INTS4: variants seen among roughly 807,000 people sequenced by gnomAD.
INTS4 encodes MSTP093.
INTS4 carries 70 observed loss-of-function variants against 119.5 expected under a neutral mutation model. The observed-to-expected ratio is 0.59, with a 90% confidence interval of 0.48 to 0.71. INTS4 has a LOEUF of 0.71. Ranked by LOEUF, INTS4 falls within the 30% of genes least tolerant of loss-of-function variation. The pLI is 0.00. For synonymous variants in INTS4, 316 were observed against 419.6 expected (o/e 0.75, Z 3.02); for missense variants, 867 against 1,173.2 (o/e 0.74, Z 3.81).
chr11:77,930,314 G>A (rs1401929795), intron 10 of INTS4, among the ~76,000 whole-genome samples: 1 of 152,194 alleles, frequency 6.6e-6, no homozygotes, highest in African/African-American at 2.4e-5. Flanking sequence ...CTACATTAAA[G>A]ACAGATGATT....
intron 15 of INTS4, chr11:77,911,038 G>A: frequency 7.8e-7 from 1 of 1,288,942 alleles, no homozygotes; most frequent in Non-Finnish European, 1.0e-6. Context: ...TTTCACAGTA[G>A]CCTGGAAAAA....
rs548073694 is a variant in INTS4, at chr11:77,912,080, G to A, written c.1923-4270C>T. On this transcript the variant is annotated intron_variant, in intron 15 of 22. Coordinates refer to ENST00000534064, the MANE Select transcript of INTS4 (RefSeq NM_033547.4). ...CCAAAACTAATTTAAAACTAGATAC[G>A]GCTAGGCGCGGTGGCTCACACCTGT... Among the ~76,000 whole-genome samples the A allele has an allele frequency of 2.4e-3, 365 of 151,980 alleles. 1 individual carries two copies. The highest frequency in any genetic ancestry group is 8.4e-3 in the African/African-American group (349 of 41,458).
chr11:77,927,073 A>G (rs900784833), intron 11 of INTS4, among the ~76,000 whole-genome samples: 1 of 152,110 alleles, frequency 6.6e-6, no homozygotes, highest in Non-Finnish European at 1.5e-5. Flanking sequence ...CCTGGGTTAA[A>G]GTGGCAGTTT....
At chr11:77,942,792 A>G (rs954443324) in intron 8 of INTS4, among the ~76,000 whole-genome samples, 1 of 152,218 alleles carries the variant, frequency 6.6e-6, no homozygotes, top group African/African-American at 2.4e-5. Context: ...CTAAGTTAAT[A>G]AATGTGGAAA....
intron 10 of INTS4, among the ~76,000 whole-genome samples, chr11:77,931,928 C>G (rs983326164): frequency 2.6e-5 from 4 of 152,104 alleles, no homozygotes; most frequent in African/African-American, 9.7e-5. Context: ...ACACTTTATA[C>G]AAAAATTAAC....
chr11:77,900,172 C>T (rs577693225), intron 18 of INTS4, among the ~76,000 whole-genome samples: 97 of 151,834 alleles, frequency 6.4e-4, no homozygotes, highest in South Asian at 2.7e-3. Context: ...TGATTTCGGC[C>T]CACTGCAACC....
chr11:77,948,453 C>T (rs1426033207), intron 8 of INTS4, among the ~76,000 whole-genome samples: 1 of 151,996 alleles, frequency 6.6e-6, no homozygotes, highest in East Asian at 1.9e-4. Context: ...TTGAGACCAG[C>T]ATGGCCAACA....
At position 77,887,717 on chromosome 11, in the gene INTS4, A is replaced by T. The variant is rs187348452; in HGVS notation, c.2592+3602T>A. ...TCTCCTTAAGCTGATAAGCAACTTCAGCAAAGTCTCAGGATACAAAATCAA... is the reference window on the plus strand; with the variant it reads ...TCTCCTTAAGCTGATAAGCAACTTCTGCAAAGTCTCAGGATACAAAATCAA... On this transcript the variant is annotated intron_variant, in intron 21 of 22. Transcript: ENST00000534064. 5.3e-5 allele frequency among the ~76,000 whole-genome samples: 8 copies of T among 152,066 alleles called. No homozygotes were observed. The East Asian group carries it at 1.2e-3, about 22-fold the overall frequency.
intron 10 of INTS4, among the ~76,000 whole-genome samples, chr11:77,933,749 G>A (rs1450931757): frequency 2.6e-5 from 4 of 151,610 alleles, no homozygotes; most frequent in African/African-American, 7.3e-5. Context: ...GAGCCCCTCC[G>A]CCCAGCAGCC....
At chr11:77,921,792 A>T (rs909046692) in intron 13 of INTS4, among the ~76,000 whole-genome samples, 7 of 152,240 alleles carry the variant, frequency 4.6e-5, no homozygotes, top group Non-Finnish European at 1.0e-4. Flanking sequence ...ACACTTTGGG[A>T]GGCTGAGGTG....
intron 2 of INTS4, among the ~76,000 whole-genome samples, chr11:77,989,641 G>C (rs905648318): frequency 6.6e-6 from 1 of 151,364 alleles, no homozygotes; most frequent in African/African-American, 2.4e-5. Flanking sequence ...TGTAATCTCA[G>C]CAATTTGGAA....
chr11:77,978,864 G>C, intron 4 of INTS4, 132 bp downstream of exon 4: 1 of 581,866 alleles, frequency 1.7e-6, no homozygotes, highest in East Asian at 2.8e-5. Flanking sequence ...TTTATAACAA[G>C]TGTACTTAAC....
intron 21 of INTS4, among the ~76,000 whole-genome samples, chr11:77,884,537 G>A (rs184596700): frequency 2.8e-4 from 42 of 152,204 alleles, no homozygotes; most frequent in South Asian, 1.2e-3. Flanking sequence ...ATACTGCAGC[G>A]CACAAAGGAA....
chr11:77,953,442 A>C (rs1396969620), intron 8 of INTS4, among the ~76,000 whole-genome samples: 6 of 152,234 alleles, frequency 3.9e-5, no homozygotes, highest in Non-Finnish European at 8.8e-5. Flanking sequence ...TGTCAGGTAA[A>C]TATGAGAGAT....
At chr11:77,928,772 C>T (rs1357773091) in intron 10 of INTS4, among the ~76,000 whole-genome samples, 1 of 152,140 alleles carries the variant, frequency 6.6e-6, no homozygotes, top group African/African-American at 2.4e-5. Flanking sequence ...TCACTTGAAC[C>T]TGGGAGGCAG....
intron 11 of INTS4, among the ~76,000 whole-genome samples, chr11:77,926,019 T>A (rs183359592): frequency 3.3e-5 from 5 of 152,348 alleles, no homozygotes. Flanking sequence ...AAAACATTTA[T>A]CACCATCTGA....
At chr11:77,882,796 C>A (rs748747462) in intron 22 of INTS4, among the ~76,000 whole-genome samples, 2 of 152,172 alleles carry the variant, frequency 1.3e-5, no homozygotes, top group Non-Finnish European at 2.9e-5. Context: ...AAAGGCCCAG[C>A]GCAGTGGCTC....
At chr11:77,953,279 AT>A (rs1474847347) in intron 8 of INTS4, among the ~76,000 whole-genome samples, 1 of 152,114 alleles carries the variant, frequency 6.6e-6, no homozygotes, top group Non-Finnish European at 1.5e-5. Flanking sequence ...AGAATCACAG[AT>A]TTTCCTGCTG....
At chr11:77,932,781 A>T (rs1289165310) in intron 10 of INTS4, among the ~76,000 whole-genome samples, 3 of 152,188 alleles carry the variant, frequency 2.0e-5, no homozygotes, top group Non-Finnish European at 2.9e-5. Context: ...AGCCATAAAA[A>T]AGGATGAGTT....
Sources: gnomAD v4.1 joint callset for allele counts (sites outside exome capture counted in the v4.1 genomes callset) on GRCh38, gnomAD v4.1.1 for gene constraint, MANE v1.5 for transcripts, NCBI Gene and HGNC (gene_info 2026-07-23, HGNC 2026-07-21) for gene names.